The following DCAKD variants were observed in gnomAD, a reference collection of about 807,000 sequenced individuals.
DCAKD encodes dephospho-CoA kinase domain-containing protein.
In DCAKD, 15 loss-of-function variants were observed where a neutral mutation model predicts 18.7. That is an observed-to-expected ratio of 0.80 (90% CI 0.54 to 1.24). DCAKD has a LOEUF of 1.24. DCAKD is among the 50% of genes most tolerant of loss of function. The pLI is 0.00. For missense variants in DCAKD, 301 were observed against 322.0 expected (o/e 0.93, Z 0.50); for synonymous variants, 130 against 133.0 (o/e 0.98, Z 0.16).
intron 1 of DCAKD, among the ~76,000 whole-genome samples, chr17:45,049,033 G>C (rs919096713): frequency 1.3e-5 from 2 of 151,860 alleles, no homozygotes; most frequent in African/African-American, 4.8e-5. Flanking sequence ...AGTGAGCTGT[G>C]ATCCCGCCAC....
At chr17:45,049,791 C>T (rs2053652062) in intron 1 of DCAKD, among the ~76,000 whole-genome samples, 2 of 141,894 alleles carry the variant, frequency 1.4e-5, no homozygotes, top group South Asian at 4.5e-4. Flanking sequence ...ACGATCTCAG[C>T]TCACTGCAAC....
chr17:45,027,420 A>G (rs2053077546), intron 4 of DCAKD, among the ~76,000 whole-genome samples: 1 of 152,260 alleles, frequency 6.6e-6, no homozygotes, highest in Non-Finnish European at 1.5e-5. Context: ...GTAGTCTTTC[A>G]GTTAAAGAAA....
Position 45,023,575 on chromosome 17 carries a change from G to A in DCAKD, c.*858C>T, listed in dbSNP as rs1720246586. 7.6e-6 allele frequency: 1 copy of A among 132,374 alleles called. No individual in the cohort carries two copies. 8.2% of individuals were successfully genotyped at this position (132,374 alleles called of 1,614,324 possible). On this transcript the variant is annotated 3_prime_UTR_variant, in exon 5 of 5. Transcript: ENST00000651974. ...CTAACCCAGCCTGGGGCTTTAGACA[G>A]TGCCTGAACTGAGAGCTAGTTGTAG... is the stretch of plus-strand genomic sequence containing the variant.
intron 1 of DCAKD, among the ~76,000 whole-genome samples, chr17:45,049,176 A>T (rs1389538389): frequency 6.6e-6 from 1 of 152,082 alleles, no homozygotes; most frequent in African/African-American, 2.4e-5. Flanking sequence ...GGTGGCTTAC[A>T]CCTCTAATCC....
intron 4 of DCAKD, chr17:45,026,920 G>A (rs2143170030): frequency 7.3e-6 from 5 of 684,400 alleles, no homozygotes; most frequent in African/African-American, 1.9e-5. Context: ...CCTCCTGGAT[G>A]TGGGGCAGCA....
chr17:45,034,113 AAAC>A, intron 3 of DCAKD, 71 bp downstream of exon 3: 1 of 1,607,756 alleles, frequency 6.2e-7, no homozygotes, highest in South Asian at 1.1e-5. Flanking sequence ...TACCCTGGCC[AAAC>A]TTTCTGCAGA....
Position 45,031,522 on chromosome 17 carries a change from C to T in DCAKD, c.317-1343G>A, listed in dbSNP as rs1295311482. 4.1e-6 allele frequency: 4 copies of T among 984,304 alleles called. No individual in the cohort carries two copies. In the African/African-American group the frequency reaches 7.0e-5, roughly 17 times the overall value. 61.0% of individuals were successfully genotyped at this position (984,304 alleles called of 1,614,324 possible). On this transcript the variant is annotated intron_variant, in intron 3 of 4. Coordinates refer to ENST00000651974, the MANE Select transcript of DCAKD (RefSeq NM_001288655.2). ...CATGCAGTACTACTCCTTCACCAGT[C>T]CCTCGCTAGGTGCCCCAAAATGATA...
chr17:45,041,758 G>C (rs2053442420), intron 1 of DCAKD, among the ~76,000 whole-genome samples: 1 of 152,054 alleles, frequency 6.6e-6, no homozygotes, highest in Non-Finnish European at 1.5e-5. Flanking sequence ...GGGGGAGCAG[G>C]GGAGGGGTAA....
chr17:45,035,480 TAAAAAA>T (rs35837364), intron 1 of DCAKD, among the ~76,000 whole-genome samples: 7 of 86,964 alleles, frequency 8.0e-5, no homozygotes, highest in East Asian at 3.9e-4. Flanking sequence ...AGATTCCTTC[TAAAAAA>T]AAAAAAAAAA....
At chr17:45,060,679 C>A (rs577199174) in intron 1 of DCAKD, among the ~76,000 whole-genome samples, 7 of 152,342 alleles carry the variant, frequency 4.6e-5, no homozygotes, top group African/African-American at 1.7e-4. Flanking sequence ...GTGTGGTCTC[C>A]TGGCTTAGGG....
At chr17:45,025,640 G>A (rs11868071) in intron 4 of DCAKD, among the ~76,000 whole-genome samples, 14,915 of 152,104 alleles carry the variant, frequency 0.098, 867 homozygotes, top group Non-Finnish European at 0.12. Context: ...ACAAGGGGTT[G>A]CAGCAGCTGT....
At chr17:45,034,156 C>T (rs2053232972) in intron 3 of DCAKD, 31 bp downstream of exon 3, 1 of 1,405,168 alleles carries the variant, frequency 7.1e-7, no homozygotes, top group Non-Finnish European at 1.0e-6. Flanking sequence ...GGAAGGAGGC[C>T]CCGCCCCCCG....
At chr17:45,053,241 G>GTT (rs761773614), upstream of DCAKD, among the ~76,000 whole-genome samples, 37 of 103,584 alleles carry the variant, frequency 3.6e-4, no homozygotes, top group African/African-American at 1.3e-3. Context: ...AGTTGTTTTT[G>GTT]TTTTTTTTTT....
At chr17:45,033,328 C>T (rs1171976179) in intron 3 of DCAKD, among the ~76,000 whole-genome samples, 1 of 152,228 alleles carries the variant, frequency 6.6e-6, no homozygotes, top group Non-Finnish European at 1.5e-5. Context: ...TTGGTCCCTT[C>T]CCAATTTCCA....
intron 3 of DCAKD, chr17:45,031,536 C>T (rs2053170876): frequency 1.0e-6 from 1 of 985,194 alleles, no homozygotes. Flanking sequence ...CGCTAGGTGC[C>T]CCAAAATGAT....
At chr17:45,032,684 G>T (rs1003555708) in intron 3 of DCAKD, among the ~76,000 whole-genome samples, 4 of 152,024 alleles carry the variant, frequency 2.6e-5, no homozygotes, top group African/African-American at 9.7e-5. Flanking sequence ...TCGGGAGGCT[G>T]AGGGCAGAAG....
At chr17:45,048,914 T>C (rs1260504006) in intron 1 of DCAKD, among the ~76,000 whole-genome samples, 1 of 151,896 alleles carries the variant, frequency 6.6e-6, no homozygotes, top group Non-Finnish European at 1.5e-5. Flanking sequence ...TAATCTTGCT[T>C]TCATTTGGAA....
Position 45,026,042 on chromosome 17 carries a change from C to T in DCAKD, c.405-1318G>A, listed in dbSNP as rs572357609. Among the ~76,000 whole-genome samples, 8 of 152,118 alleles carry T rather than the reference C, an allele frequency of 5.3e-5. No individual in the cohort carries two copies. In the East Asian group the frequency reaches 1.4e-3, roughly 26 times the overall value. On this transcript the variant is annotated intron_variant, in intron 4 of 4. Coordinates refer to ENST00000651974, the MANE Select transcript of DCAKD (RefSeq NM_001288655.2). Reference sequence around the variant, plus strand: ...CAAGAGGTCTTCCTGCCTCAGCCTCCCAAGTAGCTGGGATTACAGGCGTGC... The same window carrying T: ...CAAGAGGTCTTCCTGCCTCAGCCTCTCAAGTAGCTGGGATTACAGGCGTGC...
At chr17:45,030,780 T>C (rs907960718) in intron 3 of DCAKD, among the ~76,000 whole-genome samples, 1 of 152,216 alleles carries the variant, frequency 6.6e-6, no homozygotes, top group Non-Finnish European at 1.5e-5. Flanking sequence ...AGAAAGAAGC[T>C]GCTTCTCCCA....
Sources: allele counts gnomAD v4.1 joint callset (sites outside exome capture counted in the v4.1 genomes callset), GRCh38; gene constraint gnomAD v4.1.1; transcripts MANE v1.5; gene names NCBI Gene and HGNC (gene_info 2026-07-23, HGNC 2026-07-21).